The following PUM1 variants were observed in gnomAD, a reference collection of about 807,000 sequenced individuals.
PUM1 encodes pumilio RNA binding family member 1.
In PUM1, 13 loss-of-function variants were observed where a neutral mutation model predicts 131.8. The observed-to-expected ratio is 0.10, with a 90% confidence interval of 0.06 to 0.16. The LOEUF (loss-of-function observed/expected upper bound fraction) is 0.16. PUM1 is among the 10% of genes least tolerant of loss of function. PUM1 has a pLI of 1.00. For missense variants in PUM1, 961 were observed against 1,512.4 expected, an observed-to-expected ratio of 0.64 and a Z score of 6.05; for synonymous variants, 509 against 556.5, an observed-to-expected ratio of 0.91 and a Z score of 1.20.
rs988242754 is a variant in PUM1 at position 30,966,065 on chromosome 1, G to A, written c.2003C>T (p.Pro668Leu). The A allele has an allele frequency of 8.1e-6, 13 of 1,614,110 alleles. No individual in the cohort carries two copies. The highest frequency in any genetic ancestry group is 1.7e-5 in the Admixed American group (1 of 60,002). ...SSLFSQGSAQ[P>L]ANTSLGFGSS... The stretch of plus-strand genomic sequence containing the variant: ...TCCGAATCCCAAGGATGTGTTGGCA[G>A]GCTGGGCAGAGCCCTGGGAGAAGAG... Residue 668 changes from proline to leucine, a missense_variant, in exon 13 of 22, where the codon CCT becomes CTT. Coordinates refer to ENST00000426105, the MANE Select transcript of PUM1 (RefSeq NM_001020658.2).
chr1:31,035,523 G>A (rs192393035), intron 2 of PUM1, among the ~76,000 whole-genome samples: 22 of 152,172 alleles, frequency 1.4e-4, no homozygotes, highest in South Asian at 4.2e-4. Context: ...AGGCCGAGGC[G>A]GGCGGATCAC....
chr1:30,996,293 T>C (rs1641977698), intron 5 of PUM1, among the ~76,000 whole-genome samples: 3 of 152,088 alleles, frequency 2.0e-5, no homozygotes, highest in Admixed American at 2.0e-4. Flanking sequence ...ATCCACTCAA[T>C]AGAAGATGAG....
rs548760210 is a variant in PUM1 at position 30,998,137 on chromosome 1, T to C, written c.721-2917A>G. 8.4e-4 allele frequency among the ~76,000 whole-genome samples: 128 copies of C among 152,340 alleles called. No individual in the cohort carries two copies. The South Asian group carries it at 0.026, about 31-fold the overall frequency. The stretch of plus-strand genomic sequence containing the variant: ...CTGGGAAGGTGTTATATGGGTGTTT[T>C]GATTTTGCAGAAATTCAAGACGAAC... On this transcript the variant is annotated intron_variant, in intron 5 of 21. Transcript: ENST00000426105.
At chr1:30,954,763 G>A (rs777473153) in intron 14 of PUM1, among the ~76,000 whole-genome samples, 8 of 152,028 alleles carry the variant, frequency 5.3e-5, no homozygotes, top group African/African-American at 1.7e-4. Context: ...ACCAAAAGGC[G>A]TATCAAAACA....
At chr1:31,055,311 A>C in intron 2 of PUM1, 1 of 455,988 alleles carries the variant, frequency 2.2e-6, no homozygotes, top group Non-Finnish European at 4.4e-6. Context: ...CCACTCCTTT[A>C]CCTGAGCGCA....
chr1:30,995,186 T>G lies in PUM1; in HGVS notation c.755A>C (p.Lys252Thr). Residue 252 changes from lysine (K) to threonine (T), a missense_variant, in exon 6 of 22, where the codon AAA becomes ACA. Transcript: ENST00000426105. ...PRDADSDEND[K>T]GEKKNKGTFD... is the part of the protein sequence containing the mutation. Reference sequence around the variant, plus strand: ...CGTACCCTTGTTCTTCTTTTCACCTTTGTCGTTTTCATCACTGTCTGCATC... The same window carrying G: ...CGTACCCTTGTTCTTCTTTTCACCTGTGTCGTTTTCATCACTGTCTGCATC... The G allele has an allele frequency of 6.2e-7, 1 of 1,614,162 alleles. No homozygotes were observed. Among genetic ancestry groups the G allele is most frequent in the Non-Finnish European group, 8.5e-7 (1 of 1,180,020 alleles).
At chr1:30,945,955 T>C (rs1239932338) in intron 17 of PUM1, among the ~76,000 whole-genome samples, 1 of 152,042 alleles carries the variant, frequency 6.6e-6, no homozygotes, top group Non-Finnish European at 1.5e-5. Flanking sequence ...CTGGCTAATT[T>C]TTGTATTTTT....
chr1:31,006,004 A>G lies in PUM1; in HGVS notation c.569T>C (p.Val190Ala). ...GAAACTCTGACCAGGTCTTCTCTGC[A>G]CCATGATTGGCTGGGAAACTGAATG... The part of the protein sequence containing the change: ...SDHSVSQPIM[V>A]QRRPGQSFHV... Residue 190 changes from valine (V) to alanine (A), a missense_variant, in exon 5 of 22, where the codon GTG becomes GCG. Val to Ala is a moderately conservative substitution (Grantham distance 64). Transcript: ENST00000426105. 6.2e-7 allele frequency: 1 copy of G among 1,606,876 alleles called. No individual in the cohort carries two copies. The highest frequency in any genetic ancestry group is 8.5e-7 in the Non-Finnish European group (1 of 1,177,726).
chr1:31,012,212 T>TC (rs1370029277), intron 3 of PUM1, among the ~76,000 whole-genome samples: 2 of 77,242 alleles, frequency 2.6e-5, no homozygotes, highest in African/African-American at 1.8e-4. Flanking sequence ...TTTTTTTTCC[T>TC]TAAAAAAAAA....
chr1:31,042,135 G>A (rs530495471), intron 2 of PUM1, among the ~76,000 whole-genome samples: 41 of 151,942 alleles, frequency 2.7e-4, no homozygotes, highest in East Asian at 2.1e-3. Flanking sequence ...TTGGAACCCT[G>A]TCTCTACTAA....
At chr1:30,956,469 G>A (rs1479199874) in intron 14 of PUM1, among the ~76,000 whole-genome samples, 3 of 152,008 alleles carry the variant, frequency 2.0e-5, no homozygotes, top group Admixed American at 6.6e-5. Flanking sequence ...TCACCATGTT[G>A]GCCAGACTAC....
chr1:30,990,818 G>C (rs1169759668), intron 7 of PUM1, among the ~76,000 whole-genome samples: 1 of 152,156 alleles, frequency 6.6e-6, no homozygotes, highest in African/African-American at 2.4e-5. Context: ...TCCAACAAGA[G>C]ATTAACTTTC....
chr1:31,048,749 C>T (rs1644032989), intron 2 of PUM1, among the ~76,000 whole-genome samples: 1 of 152,068 alleles, frequency 6.6e-6, no homozygotes, highest in African/African-American at 2.4e-5. Context: ...GCTGCGATTA[C>T]AGGCTTGAGC....
At position 30,952,677 on chromosome 1, in the gene PUM1, GGGGGGC is replaced by G. The variant is rs1349347399; in HGVS notation, c.2592-320_2592-315del. On this transcript the variant is annotated intron_variant, in intron 15 of 21. Transcript: ENST00000426105. Reference sequence around the variant, plus strand: ...AAGGTGGGAGGGAAGATGAAAGCGGGGGGGGCGGGGGGGGGGCGGGAGGGGCAGGGG... The same window carrying G: ...AAGGTGGGAGGGAAGATGAAAGCGGGGGGGGGGGGGCGGGAGGGGCAGGGG... Among the ~76,000 whole-genome samples the G allele has an allele frequency of 6.7e-3, 170 of 25,534 alleles. 1 individual carries two copies. In the East Asian group the frequency reaches 0.086, roughly 13 times the overall value. 16.8% of individuals were successfully genotyped at this position (25,534 alleles called of 152,430 possible). A position where few individuals can be genotyped will look rare whatever the true frequency, so the allele number is the denominator to read the frequency against.
intron 3 of PUM1, among the ~76,000 whole-genome samples, chr1:31,025,224 C>T (rs921649420): frequency 2.0e-5 from 3 of 152,108 alleles, no homozygotes. Context: ...CTAAGAAATA[C>T]TCTAAACCTT....
intron 2 of PUM1, among the ~76,000 whole-genome samples, chr1:31,038,965 T>G (rs1284704676): frequency 3.4e-5 from 1 of 29,600 alleles, no homozygotes; most frequent in Non-Finnish European, 5.8e-5. Context: ...ATTTTATATA[T>G]ATATATATAT....
At chr1:30,936,253 A>G (rs536191109) in intron 21 of PUM1, among the ~76,000 whole-genome samples, 70 of 152,008 alleles carry the variant, frequency 4.6e-4, no homozygotes, top group African/African-American at 1.5e-3. Flanking sequence ...AGTGGGCTTC[A>G]GGTCAATGTA....
chr1:31,033,631 G>T (rs1348266324), intron 2 of PUM1, among the ~76,000 whole-genome samples: 1 of 151,970 alleles, frequency 6.6e-6, no homozygotes, highest in Non-Finnish European at 1.5e-5. Context: ...CTCCTAAAGT[G>T]CTGGGCTTAC....
chr1:31,048,467 A>C (rs80050407), intron 2 of PUM1, among the ~76,000 whole-genome samples: 3,965 of 148,786 alleles, frequency 0.027, 67 homozygotes, highest in Non-Finnish European at 0.035. Flanking sequence ...TTTTCTTTTT[A>C]TTTTTATTTT....
Sources: gnomAD v4.1 joint callset for allele counts (sites outside exome capture counted in the v4.1 genomes callset) on GRCh38, gnomAD v4.1.1 for gene constraint, MANE v1.5 for transcripts, NCBI Gene and HGNC (gene_info 2026-07-23, HGNC 2026-07-21) for gene names.